Variants in COL6A1 observed in about 807,000 individuals in gnomAD.
The protein encoded by COL6A1 is collagen type VI alpha 1 chain, also known as collagen alpha-1(VI) chain.
Under a neutral mutation model 145.6 loss-of-function variants are expected in COL6A1, and 80 were observed. That is an observed-to-expected ratio of 0.55 (90% CI 0.46 to 0.66). The LOEUF (loss-of-function observed/expected upper bound fraction) is 0.66. Among genes scored for constraint, COL6A1 ranks in the 30% least tolerant of loss-of-function variants. COL6A1 has a pLI of 0.00. For synonymous variants in COL6A1, 638 were observed against 622.8 expected, an observed-to-expected ratio of 1.02 and a Z score of -0.36; for missense variants, 1,364 against 1,473.8, an observed-to-expected ratio of 0.93 and a Z score of 1.22.
In COL6A1 at chr21:45,994,197, A is replaced by G. The variant is rs768002460; in HGVS notation, c.1366A>G (p.Arg456Gly). The G allele has an allele frequency of 1.9e-5, 31 of 1,608,806 alleles. No individual in the cohort carries two copies. The East Asian group carries it at 6.9e-4, about 36-fold the overall frequency. Residue 456 changes from arginine (R) to glycine (G), a missense_variant, in exon 20 of 35, where the codon AGA (arginine) becomes GGA (glycine). Arg to Gly is a moderately radical substitution (Grantham distance 125). Around this residue, in one of 3 missense-constraint regions of COL6A1, gnomAD observed 938 missense variants for 1,003.8 expected, o/e 0.93. Coordinates refer to ENST00000361866, the MANE Select transcript of COL6A1 (RefSeq NM_001848.3). This position sits in a 1 kb window ranked among gnomAD's most constrained non-coding sequence, Gnocchi z 6.8. Reference sequence around the variant, plus strand: ...AGCTGGCCCGCAGGGTGATCAGGGAAGAGAAGGCCCCGTTGGTGTCCCTGG... The same window carrying G: ...AGCTGGCCCGCAGGGTGATCAGGGAGGAGAAGGCCCCGTTGGTGTCCCTGG... ...GEAGPQGDQGREGPVGVPGDP... is the reference protein window; with the variant it reads ...GEAGPQGDQGGEGPVGVPGDP...
intron 23 of COL6A1, 53 bp downstream of exon 23, chr21:45,998,224 C>T (rs1243876268): frequency 1.3e-6 from 2 of 1,599,072 alleles, no homozygotes; most frequent in Admixed American, 1.7e-5. Context: ...GCCTGCGGCG[C>T]CCTCTTTAGT....
intron 19 of COL6A1, 88 bp downstream of exon 19, chr21:45,992,898 ACAT>A: frequency 8.2e-7 from 1 of 1,218,574 alleles, no homozygotes; most frequent in East Asian, 2.5e-5. Context: ...GCCACAGGAC[ACAT>A]CATGAAGCCC....
chr21:46,002,248 C>T lies in COL6A1; in HGVS notation c.2097C>T (p.Gly699=), dbSNP rs537366421. The change falls in exon 32 of 35, where the codon GGC becomes GGT. Residue 699 remains glycine, a synonymous_variant. Transcript: ENST00000361866. ...TCAAGAGCCTGCAGTGGATGGCGGG[C>T]GGCACCTTCACGGGGGAGGCCCTGC... ...EAIKSLQWMA[G]GTFTGEALQY... The T allele has an allele frequency of 5.0e-5, 80 of 1,602,106 alleles. 1 individual carries two copies. The South Asian group carries it at 7.6e-4, about 15-fold the overall frequency.
chr21:45,981,974 C>G lies in COL6A1; in HGVS notation c.97+27C>G, dbSNP rs1348580642. 1.9e-6 allele frequency: 3 copies of G among 1,547,384 alleles called. No individual in the cohort carries two copies. The Admixed American group carries it at 5.3e-5, about 27-fold the overall frequency. On this transcript the variant is annotated intron_variant, in intron 1 of 34. Transcript: ENST00000361866. ...TGAGTGGTGGCTTGGGGTGCAGGCT[C>G]CAGACCCCCCGCTCTTTGCTGCCGG...
intron 27 of COL6A1, among the ~76,000 whole-genome samples, chr21:45,999,924 T>TGTGAGGATCATGG (rs2077830541): frequency 5.1e-5 from 1 of 19,424 alleles, no homozygotes; most frequent in Non-Finnish European, 1.0e-4. Flanking sequence ...ATGGGGGACA[T>TGTGAGGATCATGG]GTGAGGATCA....
chr21:45,982,395 C>T (rs149338636), intron 1 of COL6A1, among the ~76,000 whole-genome samples: 2 of 152,144 alleles, frequency 1.3e-5, no homozygotes, highest in East Asian at 3.9e-4. Context: ...CCCTGCCCTT[C>T]GGGGGAGGTT....
Position 46,003,100 on chromosome 21 carries a change from A to G in COL6A1, c.2435-20A>G. The G allele has an allele frequency of 6.2e-7, 1 of 1,614,066 alleles. No individual in the cohort carries two copies. Among genetic ancestry groups the G allele is most frequent in the Non-Finnish European group, 8.5e-7 (1 of 1,179,962 alleles). On this transcript the variant is annotated intron_variant, in intron 33 of 34. Transcript: ENST00000361866. ...AGGTGGAGCAGTGGGCTCACACTGC[A>G]CGGCTTTTCTCTTTTACAGACAAGA...
intron 15 of COL6A1, among the ~76,000 whole-genome samples, chr21:45,991,638 C>A (rs764624962): frequency 6.6e-6 from 1 of 152,180 alleles, no homozygotes; most frequent in Non-Finnish European, 1.5e-5. Context: ...CATTCCCAGA[C>A]GAGCTCCTAG....
Position 45,994,683 on chromosome 21 carries a change from C to T in COL6A1, c.1398+454C>T, listed in dbSNP as rs1381732820. ...CCCAGGGTGTCAGGATGAAAATGCA[C>T]TTTCATCTCATTCTAAATTCCCTTC... is the stretch of plus-strand genomic sequence containing the variant. On this transcript the variant is annotated intron_variant, in intron 20 of 34. Transcript: ENST00000361866. The surrounding 1 kb of genome is among the most constrained non-coding windows in gnomAD (Gnocchi z 6.8). Among the ~76,000 whole-genome samples, 1 of 152,158 alleles carries T rather than the reference C, an allele frequency of 6.6e-6. No individual in the cohort carries two copies. Among genetic ancestry groups the T allele is most frequent in the Non-Finnish European group, 1.5e-5 (1 of 68,020 alleles).
chr21:45,994,276 G>C lies in COL6A1; in HGVS notation c.1398+47G>C, dbSNP rs2077792805. 6.4e-7 allele frequency: 1 copy of C among 1,562,082 alleles called. No homozygotes were observed. The highest frequency in any genetic ancestry group is 8.7e-7 in the Non-Finnish European group (1 of 1,145,068). ...GGGGGCGTTGGCCAATTTGGGTTTT[G>C]GGGGTAGAAGTGCTCCAGCAGCTCA... is the stretch of plus-strand genomic sequence containing the variant. On this transcript the variant is annotated intron_variant, in intron 20 of 34. Transcript: ENST00000361866. The surrounding 1 kb of genome is among the most constrained non-coding windows in gnomAD (Gnocchi z 6.8).
chr21:45,989,923 C>T (rs958119024), intron 11 of COL6A1, 145 bp downstream of exon 11: 3 of 1,147,012 alleles, frequency 2.6e-6, no homozygotes, highest in South Asian at 2.6e-5. Context: ...GCCGTCCCCT[C>T]CATCTGGAAG....
rs1023100690 is a variant in COL6A1 at position 46,004,300 on chromosome 21, G to A, written c.*287G>A. ...GCTCAGCCCTGAGCTGGCGTCACCT[G>A]TGCAGGGCCCTCTGGGGCTCAGCCC... On this transcript the variant is annotated 3_prime_UTR_variant, in exon 35 of 35. Transcript: ENST00000361866. 1.5e-5 allele frequency: 8 copies of A among 516,220 alleles called. No homozygotes were observed. Among genetic ancestry groups the A allele is most frequent in the African/African-American group, 1.5e-4 (8 of 52,100 alleles). 32.0% of individuals were successfully genotyped at this position (516,220 alleles called of 1,614,324 possible). A position where few individuals can be genotyped will look rare whatever the true frequency, so the allele number is the denominator to read the frequency against.
Position 46,003,764 on chromosome 21 carries a change from C to G in COL6A1, c.2838C>G (p.Asn946Lys). ...GGCTGCTGCTCTTCTCAGATGGCAA[C>G]TCGCAGGGCGCCACGCCCGCTGCCA... ...KKRLLLFSDG[N>K]SQGATPAAIE... Residue 946 changes from asparagine to lysine, a missense_variant, in exon 35 of 35, where the codon AAC (asparagine) becomes AAG (lysine). This residue lies in a region of COL6A1 where 938 missense variants were observed against 1,003.8 expected (regional missense o/e 0.93). Transcript: ENST00000361866. 1 of 1,612,806 alleles carries G rather than the reference C, an allele frequency of 6.2e-7. No homozygotes were observed. Among genetic ancestry groups the G allele is most frequent in the Non-Finnish European group, 8.5e-7 (1 of 1,179,840 alleles).
At chr21:46,002,155 A>C in intron 31 of COL6A1, 63 bp from the exon 32 acceptor site, 7 of 1,574,268 alleles carry the variant, frequency 4.4e-6, no homozygotes, top group Non-Finnish European at 6.0e-6. Flanking sequence ...CCCTGATCCC[A>C]GGTGGGCTCG....
chr21:45,984,987 CAGAG>C lies in COL6A1; in HGVS notation c.428+524_428+527del, dbSNP rs549540669. 3.6e-3 allele frequency among the ~76,000 whole-genome samples: 533 copies of C among 146,754 alleles called. 1 individual carries two copies. In the Middle Eastern group the frequency reaches 0.054, roughly 15 times the overall value. ...AGAAAGAGAGAGAGACAGAGGGAAA[CAGAG>C]AGAGACAGAGACAGATAGAAAAAGA... On this transcript the variant is annotated intron_variant, in intron 3 of 34. Transcript: ENST00000361866.
Position 45,987,613 on chromosome 21 carries a change from G to A in COL6A1, c.763G>A (p.Ala255Thr), listed in dbSNP as rs145473829. 117 of 1,611,970 alleles carry A rather than the reference G, an allele frequency of 7.3e-5. No homozygotes were observed. The highest frequency in any genetic ancestry group is 9.2e-5 in the Non-Finnish European group (109 of 1,179,776). ...GACCGTCCCCTCTGCCTTGCAGCCT[G>A]CAAGAGGACCTCCGGGGCTCCGGGG... Reference protein sequence around the residue: ...QVCCSFECQPARGPPGLRGDP... With the variant: ...QVCCSFECQPTRGPPGLRGDP... The change falls in exon 8 of 35, where the codon GCA becomes ACA. Residue 255 changes from alanine (A) to threonine (T), a missense_variant. This residue lies in a region of COL6A1 where 414 missense variants were observed against 437.6 expected (regional missense o/e 0.95). Transcript: ENST00000361866.
chr21:45,998,356 C>G, intron 23 of COL6A1, 42 bp from the exon 24 acceptor site: 1 of 1,612,696 alleles, frequency 6.2e-7, no homozygotes, highest in Non-Finnish European at 8.5e-7. Context: ...CCTCCCCTCT[C>G]AAATCAGAAC....
At chr21:45,984,819 C>T (rs4622818) in intron 3 of COL6A1, among the ~76,000 whole-genome samples, 26,200 of 147,558 alleles carry the variant, frequency 0.18, 2,847 homozygotes, top group Non-Finnish European at 0.24. Context: ...GAGACAGAGA[C>T]GGGAACAGAG....
chr21:46,000,416 G>T, intron 28 of COL6A1, 49 bp downstream of exon 28: 1 of 1,603,742 alleles, frequency 6.2e-7, no homozygotes, highest in South Asian at 1.1e-5. Context: ...AGGGCCGCCA[G>T]CCTGGCCTGT....
Sources: gnomAD v4.1 joint callset for allele counts (sites outside exome capture counted in the v4.1 genomes callset) on GRCh38, gnomAD v4.1.1 for gene constraint, gnomAD v4.1.1 regional missense constraint, Gnocchi (gnomAD v3.1) non-coding constraint, MANE v1.5 for transcripts, NCBI Gene and HGNC (gene_info 2026-07-23, HGNC 2026-07-21) for gene names.